GAN: variants seen among roughly 807,000 people sequenced by gnomAD.
GAN encodes the protein gigaxonin.
In GAN, 48 loss-of-function variants were observed where a neutral mutation model predicts 71.3. That is an observed-to-expected ratio of 0.67 (90% CI 0.53 to 0.86). The LOEUF (loss-of-function observed/expected upper bound fraction) is 0.86, where lower values mean the gene tolerates loss of function less well. Ranked by LOEUF, GAN falls within the 40% of genes least tolerant of loss-of-function variation. The pLI is 0.00. For synonymous variants in GAN, 386 were observed against 276.8 expected, an observed-to-expected ratio of 1.39 and a Z score of -3.92; for missense variants, 928 against 770.1, an observed-to-expected ratio of 1.21 and a Z score of -2.43.
chr16:81,374,879 A>G (rs1904276299), intron 9 of GAN, among the ~76,000 whole-genome samples: 1 of 152,232 alleles, frequency 6.6e-6, no homozygotes, highest in Non-Finnish European at 1.5e-5. Context: ...GGGAAAGAAA[A>G]GCCTTTAGCA....
chr16:81,362,498 G>C lies in GAN; in HGVS notation c.974-1G>C. ...ATTTGTGTTTCCTTTGATCTTTGCA[G>C]AAGGATTTTTGTTTGTATTCGGGGG... On this transcript the variant is annotated splice_acceptor_variant, in intron 5 of 10. Coordinates refer to ENST00000648994, the MANE Select transcript of GAN (RefSeq NM_022041.4). LOFTEE classifies it high-confidence loss of function. The C allele has an allele frequency of 6.5e-7, 1 of 1,536,596 alleles. No homozygotes were observed. Among genetic ancestry groups the C allele is most frequent in the South Asian group, 1.1e-5 (1 of 89,530 alleles).
chr16:81,338,012 T>A lies in GAN; in HGVS notation c.168-13571T>A, dbSNP rs9925814. ...TGGTTTCAGCAGCTCAGTCAAGAAA[T>A]ATTCAGGGATGGAAGAGATTGCAAA... On this transcript the variant is annotated intron_variant, in intron 1 of 10. Transcript: ENST00000648994. Among the ~76,000 whole-genome samples, 544 of 152,266 alleles carry A rather than the reference T, an allele frequency of 3.6e-3. 1 individual carries two copies. The highest frequency in any genetic ancestry group is 0.012 in the African/African-American group (514 of 41,534).
intron 2 of GAN, among the ~76,000 whole-genome samples, chr16:81,352,047 A>G (rs1476609806): frequency 6.6e-6 from 1 of 152,228 alleles, no homozygotes; most frequent in African/African-American, 2.4e-5. Flanking sequence ...CTTTGTATCC[A>G]TATGACTGGG....
intron 1 of GAN, among the ~76,000 whole-genome samples, chr16:81,348,354 T>C (rs961873076): frequency 4.6e-5 from 7 of 152,250 alleles, no homozygotes; most frequent in Non-Finnish European, 1.0e-4. Context: ...TTTTTCTTTT[T>C]TCCTTGAACT....
intron 1 of GAN, among the ~76,000 whole-genome samples, chr16:81,350,392 C>T (rs1029381261): frequency 6.6e-6 from 1 of 152,046 alleles, no homozygotes; most frequent in African/African-American, 2.4e-5. Context: ...CCGCAGATGC[C>T]CTTACACATA....
Position 81,365,442 on chromosome 16 carries a change from C to T in GAN, c.1466C>T (p.Thr489Ile). Residue 489 changes from threonine to isoleucine, a missense_variant, in exon 9 of 11, where the codon ACT becomes ATT. Coordinates refer to ENST00000648994, the MANE Select transcript of GAN (RefSeq NM_022041.4). ...GACGCCCAGGGTAGCGAGATGGTAACTTGCAAGTCCGAGTTCTACCATGAT... is the reference window on the plus strand; with the variant it reads ...GACGCCCAGGGTAGCGAGATGGTAATTTGCAAGTCCGAGTTCTACCATGAT... Reference protein sequence around the residue: ...REDAQGSEMVTCKSEFYHDEF... With the variant: ...REDAQGSEMVICKSEFYHDEF... 1.2e-6 allele frequency: 2 copies of T among 1,613,582 alleles called. No homozygotes were observed. Among genetic ancestry groups the T allele is most frequent in the Non-Finnish European group, 1.7e-6 (2 of 1,179,902 alleles).
intron 1 of GAN, among the ~76,000 whole-genome samples, chr16:81,346,344 G>C (rs1283644227): frequency 6.6e-6 from 1 of 152,164 alleles, no homozygotes; most frequent in Admixed American, 6.5e-5. Flanking sequence ...TGGCAGAAAA[G>C]CCACATTGTG....
At chr16:81,364,042 T>A in intron 7 of GAN, 99 bp downstream of exon 7, 3 of 957,674 alleles carry the variant, frequency 3.1e-6, no homozygotes, top group Non-Finnish European at 3.4e-6. Context: ...TAACTGATGG[T>A]GTTAAAAGAA....
chr16:81,333,402 C>G (rs56322373), intron 1 of GAN, among the ~76,000 whole-genome samples: 1 of 152,160 alleles, frequency 6.6e-6, no homozygotes, highest in African/African-American at 2.4e-5. Flanking sequence ...ATAACCCGGT[C>G]CATCCTTCTG....
chr16:81,333,159 T>A (rs1305440001), intron 1 of GAN, among the ~76,000 whole-genome samples: 2 of 151,214 alleles, frequency 1.3e-5, no homozygotes, highest in Non-Finnish European at 2.9e-5. Flanking sequence ...GGAGAATCGC[T>A]TGAACCCAGG....
intron 2 of GAN, 110 bp downstream of exon 2, chr16:81,351,807 C>T (rs905008890): frequency 4.0e-6 from 3 of 744,898 alleles, no homozygotes; most frequent in African/African-American, 3.5e-5. Context: ...TCTTCATCTT[C>T]TGTCACTGTG....
At chr16:81,342,748 A>G (rs1909987322) in intron 1 of GAN, among the ~76,000 whole-genome samples, 1 of 152,234 alleles carries the variant, frequency 6.6e-6, no homozygotes, top group Non-Finnish European at 1.5e-5. Context: ...AAACACATTC[A>G]AAAACTAGCA....
chr16:81,334,187 TC>T (rs1435328800), intron 1 of GAN, among the ~76,000 whole-genome samples: 1 of 152,214 alleles, frequency 6.6e-6, no homozygotes, highest in East Asian at 1.9e-4. Flanking sequence ...TATTTCCTCT[TC>T]AAAGTGGATG....
chr16:81,341,234 A>C (rs1909930560), intron 1 of GAN, among the ~76,000 whole-genome samples: 1 of 152,192 alleles, frequency 6.6e-6, no homozygotes, highest in Admixed American at 6.5e-5. Context: ...GATATTATCC[A>C]GGAGAACTTC....
chr16:81,333,787 A>G (rs138218213), intron 1 of GAN, among the ~76,000 whole-genome samples: 193 of 152,298 alleles, frequency 1.3e-3, no homozygotes, highest in African/African-American at 4.5e-3. Context: ...AACACCACCT[A>G]TCCACCAATC....
At chr16:81,363,689 T>C (rs1910753190) in intron 6 of GAN, 105 bp from the exon 7 acceptor site, 2 of 1,168,362 alleles carry the variant, frequency 1.7e-6, no homozygotes, top group Non-Finnish European at 2.6e-6. Context: ...CCATTGTCTA[T>C]TTTTGCCATC....
At chr16:81,322,708 A>G (rs1909258622) in intron 1 of GAN, among the ~76,000 whole-genome samples, 1 of 152,242 alleles carries the variant, frequency 6.6e-6, no homozygotes, top group Admixed American at 6.5e-5. Context: ...TTTGAAACAT[A>G]GTTTTATGGT....
At chr16:81,320,054 A>G (rs1376525506) in intron 1 of GAN, among the ~76,000 whole-genome samples, 1 of 152,160 alleles carries the variant, frequency 6.6e-6, no homozygotes, top group African/African-American at 2.4e-5. Context: ...GTATAAATCC[A>G]GGCCTGTAGA....
intron 1 of GAN, among the ~76,000 whole-genome samples, chr16:81,331,288 CAAGG>C (rs1215762224): frequency 6.6e-6 from 1 of 152,114 alleles, no homozygotes; most frequent in Admixed American, 6.5e-5. Flanking sequence ...TCATGAAAGA[CAAGG>C]AAGGAAGGAC....
Sources: allele counts gnomAD v4.1 joint callset (sites outside exome capture counted in the v4.1 genomes callset), GRCh38; gene constraint gnomAD v4.1.1; transcripts MANE v1.5; gene names NCBI Gene and HGNC (gene_info 2026-07-23, HGNC 2026-07-21).